Variants in TEX10 observed in about 807,000 individuals in gnomAD.
The protein encoded by TEX10 is testis expressed 10.
TEX10 carries 24 observed loss-of-function variants against 104.4 expected under a neutral mutation model. The ratio of observed to expected loss-of-function variants is 0.23; its 90% CI spans 0.17 to 0.32. TEX10 has a LOEUF of 0.32. Ranked by LOEUF, TEX10 falls within the 10% of genes least tolerant of loss-of-function variation. The pLI is 1.00. For missense variants in TEX10, 921 were observed against 1,083.9 expected, an observed-to-expected ratio of 0.85 and a Z score of 2.11; for synonymous variants, 396 against 393.4, an observed-to-expected ratio of 1.01 and a Z score of -0.08.
intron 5 of TEX10, among the ~76,000 whole-genome samples, chr9:100,334,665 C>CT (rs11463306): frequency 0.45 from 64,402 of 142,760 alleles, 15,917 homozygotes; most frequent in East Asian, 0.88. Flanking sequence ...TCATTTTGTT[C>CT]TTTTTTTTTT....
chr9:100,327,871 G>A lies in TEX10; in HGVS notation c.1717C>T (p.Leu573Phe), dbSNP rs1834748227. The change falls in exon 8 of 15, where the codon CTT (leucine) becomes TTT (phenylalanine). Residue 573 changes from leucine to phenylalanine, a missense_variant. Physicochemically the swap from Leu to Phe is conservative, Grantham distance 22 (BLOSUM62 0). Around this residue, in one of 3 missense-constraint regions of TEX10, gnomAD observed 753 missense variants for 868.4 expected, o/e 0.87. Transcript: ENST00000374902. ...GSRNPELSTQLIDIIHTAAAR... is the reference protein window; with the variant it reads ...GSRNPELSTQFIDIIHTAAAR... ...GCAGCGGTATGAATGATATCGATAAGCTGTGTAGAGAGCTCAGGATTTCGG... is the reference window on the plus strand; with the variant it reads ...GCAGCGGTATGAATGATATCGATAAACTGTGTAGAGAGCTCAGGATTTCGG... The A allele has an allele frequency of 6.2e-7, 1 of 1,609,206 alleles. No individual in the cohort carries two copies.
chr9:100,319,761 G>A (rs971986359), intron 11 of TEX10, among the ~76,000 whole-genome samples: 1 of 152,034 alleles, frequency 6.6e-6, no homozygotes, highest in Non-Finnish European at 1.5e-5. Context: ...AGCAGAGATT[G>A]CACCATTGCA....
At chr9:100,332,714 A>G (rs1834898134) in intron 5 of TEX10, among the ~76,000 whole-genome samples, 1 of 151,966 alleles carries the variant, frequency 6.6e-6, no homozygotes, top group Admixed American at 6.5e-5. Flanking sequence ...CCAGCTACTC[A>G]GGAGGCTGAG....
intron 1 of TEX10, among the ~76,000 whole-genome samples, chr9:100,351,076 C>A (rs1199239476): frequency 6.6e-6 from 1 of 151,964 alleles, no homozygotes; most frequent in Non-Finnish European, 1.5e-5. Flanking sequence ...ATACCAAGCC[C>A]GGTACTAGAT....
At chr9:100,311,171 A>G (rs1487145638) in intron 11 of TEX10, among the ~76,000 whole-genome samples, 1 of 151,964 alleles carries the variant, frequency 6.6e-6, no homozygotes, top group Non-Finnish European at 1.5e-5. Context: ...CCAAGGTGGG[A>G]GGACTGCTCA....
intron 1 of TEX10, among the ~76,000 whole-genome samples, chr9:100,350,629 T>G (rs921697437): frequency 2.0e-5 from 3 of 152,146 alleles, no homozygotes; most frequent in Non-Finnish European, 4.4e-5. Flanking sequence ...ATCTCCTGGT[T>G]TATCATAATT....
At chr9:100,316,910 A>AAAAAAAAAAC (rs1564205987) in intron 11 of TEX10, among the ~76,000 whole-genome samples, 13 of 145,886 alleles carry the variant, frequency 8.9e-5, no homozygotes, top group Non-Finnish European at 1.5e-4. Flanking sequence ...AAAAAAAAAA[A>AAAAAAAAAAC]AAAAAACCTA....
chr9:100,337,675 TC>T (rs1237504387), intron 5 of TEX10, among the ~76,000 whole-genome samples: 1 of 152,160 alleles, frequency 6.6e-6, no homozygotes, highest in Non-Finnish European at 1.5e-5. Context: ...AGAAACGGCT[TC>T]CACATCAAGG....
At chr9:100,320,150 T>C (rs1834530037) in intron 11 of TEX10, 115 bp downstream of exon 11, 1 of 1,029,600 alleles carries the variant, frequency 9.7e-7, no homozygotes, top group South Asian at 2.9e-5. Context: ...TTATAAGCAC[T>C]TTAAACAAGT....
At chr9:100,316,894 T>A (rs1274721652) in intron 11 of TEX10, among the ~76,000 whole-genome samples, 147 of 53,340 alleles carry the variant, frequency 2.8e-3, no homozygotes, top group Non-Finnish European at 3.1e-3. Flanking sequence ...TTATAATAGC[T>A]AAAAAAAAAA....
chr9:100,314,827 C>T (rs912568973), intron 11 of TEX10, among the ~76,000 whole-genome samples: 1 of 152,166 alleles, frequency 6.6e-6, no homozygotes, highest in African/African-American at 2.4e-5. Context: ...AGTTATCTTT[C>T]TCCTTTTTTG....
chr9:100,339,830 T>C (rs1835127848), intron 5 of TEX10, among the ~76,000 whole-genome samples: 1 of 152,072 alleles, frequency 6.6e-6, no homozygotes, highest in South Asian at 2.1e-4. Flanking sequence ...CTGATTTTTC[T>C]CCAATTACCC....
At chr9:100,334,961 G>T (rs111619947) in intron 5 of TEX10, among the ~76,000 whole-genome samples, 1 of 152,110 alleles carries the variant, frequency 6.6e-6, no homozygotes, top group Non-Finnish European at 1.5e-5. Flanking sequence ...CACCGCGCCT[G>T]GCCAGTCACT....
At chr9:100,307,620 T>C (rs1834175251) in intron 13 of TEX10, 1 of 146,272 alleles carries the variant, frequency 6.8e-6, no homozygotes, top group Non-Finnish European at 1.5e-5. Context: ...ATAAAACCAT[T>C]TTTTTTTTTA....
chr9:100,339,817 T>C (rs531116392), intron 5 of TEX10, among the ~76,000 whole-genome samples: 10 of 152,076 alleles, frequency 6.6e-5, no homozygotes, highest in Non-Finnish European at 1.5e-4. Context: ...TTACCTTTTA[T>C]TTCTGATTTT....
Position 100,321,765 on chromosome 9 carries a change from T to C in TEX10, c.1986A>G (p.Ser662=). The change falls in exon 10 of 15, where the codon TCA becomes TCG. Residue 662 remains serine (S), a synonymous_variant. Transcript: ENST00000374902. ...TAGCTGAATACTTCCACCCAGAAAA[T>C]GATGATCTATAAAAAACAAAGGGAG... The part of the protein sequence containing the change: ...MLIGILHMRS[S]FSGWKYSAKD... 2.5e-6 allele frequency: 4 copies of C among 1,611,266 alleles called. No homozygotes were observed. The highest frequency in any genetic ancestry group is 3.4e-6 in the Non-Finnish European group (4 of 1,179,176).
intron 5 of TEX10, among the ~76,000 whole-genome samples, chr9:100,332,261 A>C (rs1276492404): frequency 1.3e-5 from 2 of 152,240 alleles, no homozygotes; most frequent in African/African-American, 4.8e-5. Context: ...GAAAAGAGAC[A>C]GTAAACACTG....
Position 100,346,059 on chromosome 9 carries a change from C to G in TEX10, c.1137+13G>C. ...TATTAATACTAAGAAAATAAAGAAC[C>G]ATTAGTTCTCACCAATTTATGGGTT... is the stretch of plus-strand genomic sequence containing the variant. On this transcript the variant is annotated intron_variant, in intron 4 of 14. Coordinates refer to ENST00000374902, the MANE Select transcript of TEX10 (RefSeq NM_017746.4). The G allele has an allele frequency of 2.5e-6, 4 of 1,604,484 alleles. No homozygotes were observed.
chr9:100,316,278 T>A (rs1406719890), intron 11 of TEX10, among the ~76,000 whole-genome samples: 1 of 152,170 alleles, frequency 6.6e-6, no homozygotes, highest in Non-Finnish European at 1.5e-5. Context: ...AAAAACCATA[T>A]GATCATTTCA....
Sources: gnomAD v4.1 joint callset for allele counts (sites outside exome capture counted in the v4.1 genomes callset) on GRCh38, gnomAD v4.1.1 for gene constraint, gnomAD v4.1.1 regional missense constraint, MANE v1.5 for transcripts, NCBI Gene and HGNC (gene_info 2026-07-23, HGNC 2026-07-21) for gene names.